Variants in SNN observed in about 807,000 individuals in gnomAD.
The protein encoded by SNN is stannin, also known as AG8_1.
A neutral mutation model predicts 5.3 loss-of-function variants in SNN; 5 were observed. The ratio of observed to expected loss-of-function variants is 0.94; its 90% CI spans 0.49 to 1.97. SNN has a LOEUF of 1.97. Among genes scored for constraint, SNN ranks in the 30% most tolerant of loss-of-function variants. The probability of loss-of-function intolerance (pLI) is 0.01; values close to 1 mark genes in which losing one functional copy is unlikely to be tolerated. For synonymous variants in SNN, 67 were observed against 52.1 expected, an observed-to-expected ratio of 1.29 and a Z score of -1.24; for missense variants, 127 against 121.6, an observed-to-expected ratio of 1.04 and a Z score of -0.21.
In SNN at chr16:11,671,311, G is replaced by A. The variant is rs982644318; in HGVS notation, c.-86+2771G>A. On this transcript the variant is annotated intron_variant, in intron 1 of 1. Coordinates refer to ENST00000329565, the MANE Select transcript of SNN (RefSeq NM_003498.6). The surrounding 1 kb of genome is among the most constrained non-coding windows in gnomAD (Gnocchi z 4.7). ...AGACTGAAGGCACATGGAGCAGGAG[G>A]GTGTGTGTTTGGGGGATCCAGATGG... Among the ~76,000 whole-genome samples the A allele has an allele frequency of 6.6e-6, 1 of 152,128 alleles. No individual in the cohort carries two copies. The highest frequency in any genetic ancestry group is 1.5e-5 in the Non-Finnish European group (1 of 68,010).
Position 11,677,657 on chromosome 16 carries a change from C to T in SNN, c.*1331C>T, listed in dbSNP as rs8191338. 3.0e-5 allele frequency: 5 copies of T among 167,022 alleles called. No homozygotes were observed. Among genetic ancestry groups the T allele is most frequent in the African/African-American group, 9.7e-5 (4 of 41,448 alleles). 10.3% of individuals were successfully genotyped at this position (167,022 alleles called of 1,614,324 possible). A position where few individuals can be genotyped will look rare whatever the true frequency, so the allele number is the denominator to read the frequency against. The stretch of plus-strand genomic sequence containing the variant: ...TCCACAGCCTGTCTCCAAGGCCTCC[C>T]CTATGTACATTTCAGTGAGCTCACT... On this transcript the variant is annotated 3_prime_UTR_variant, in exon 2 of 2. Transcript: ENST00000329565. The surrounding 1 kb of genome is among the most constrained non-coding windows in gnomAD (Gnocchi z 4.2).
chr16:11,673,049 AC>A (rs1254424322), intron 1 of SNN, among the ~76,000 whole-genome samples: 3 of 151,916 alleles, frequency 2.0e-5, no homozygotes, highest in Non-Finnish European at 2.9e-5. Context: ...GAGGGCAGGC[AC>A]CCCAGCAGGC....
At chr16:11,670,618 T>C (rs2050260759) in intron 1 of SNN, among the ~76,000 whole-genome samples, 1 of 152,236 alleles carries the variant, frequency 6.6e-6, no homozygotes, top group Admixed American at 6.5e-5. Context: ...ACCTGGTAGA[T>C]GAGGTCAGGG....
chr16:11,676,291 C>G lies in SNN; in HGVS notation c.232C>G (p.Leu78Val), dbSNP rs756608439. The G allele has an allele frequency of 1.2e-6, 2 of 1,614,136 alleles. No homozygotes were observed. The highest frequency in any genetic ancestry group is 2.2e-5 in the South Asian group (2 of 91,080). The change falls in exon 2 of 2, where the codon CTG (leucine) becomes GTG (valine). Residue 78 changes from leucine (L) to valine (V), a missense_variant. Transcript: ENST00000329565. ...KGPCVERKAK[L>V]MTPNGPEVHG ...ACCGTGCGTGGAGAGAAAGGCCAAG[C>G]TGATGACTCCCAACGGCCCGGAAGT...
At chr16:11,675,953 G>A (rs781725889) in intron 1 of SNN, 22 bp from the exon 2 acceptor site, 41 of 1,274,358 alleles carry the variant, frequency 3.2e-5, no homozygotes, top group East Asian at 2.9e-4. Context: ...ACCGCAGCTC[G>A]TCAACCTGCT....
chr16:11,668,470 G>T lies in SNN; in HGVS notation c.-156G>T, dbSNP rs1044716090. 4.1e-5 allele frequency: 6 copies of T among 146,092 alleles called. No individual in the cohort carries two copies. The highest frequency in any genetic ancestry group is 1.5e-4 in the African/African-American group (6 of 40,774). 9.0% of individuals were successfully genotyped at this position (146,092 alleles called of 1,614,324 possible). A position where few individuals can be genotyped will look rare whatever the true frequency, so the allele number is the denominator to read the frequency against. ...CCTGCGTCCCGAGTGCGCGGCGGCC[G>T]GACCGGGCGGGCGGAGCCGGGCCCG... On this transcript the variant is annotated 5_prime_UTR_variant, in exon 1 of 2. Coordinates refer to ENST00000329565, the MANE Select transcript of SNN (RefSeq NM_003498.6). The surrounding 1 kb of genome is among the most constrained non-coding windows in gnomAD (Gnocchi z 6.8).
chr16:11,674,651 A>T (rs1461086347), intron 1 of SNN, among the ~76,000 whole-genome samples: 1 of 152,192 alleles, frequency 6.6e-6, no homozygotes, highest in African/African-American at 2.4e-5. Flanking sequence ...CTGGCCTGGG[A>T]GGGGCCTCAT....
rs1050049 is a variant in SNN at position 11,677,850 on chromosome 16, C to T, written c.*1524C>T. On this transcript the variant is annotated 3_prime_UTR_variant, in exon 2 of 2. Transcript: ENST00000329565. This position sits in a 1 kb window ranked among gnomAD's most constrained non-coding sequence, Gnocchi z 4.2. Reference sequence around the variant, plus strand: ...TCTGGCCTCCTGCTCAGACTAAAGGCACCTCCTCTGGCCTCACCCAAGCCT... The same window carrying T: ...TCTGGCCTCCTGCTCAGACTAAAGGTACCTCCTCTGGCCTCACCCAAGCCT... The T allele has an allele frequency of 0.069, 11,573 of 167,226 alleles. 577 individuals are homozygous for T. Among genetic ancestry groups the T allele is most frequent in the South Asian group, 0.13 (636 of 4,822 alleles). 10.4% of individuals were successfully genotyped at this position (167,226 alleles called of 1,614,324 possible). A position where few individuals can be genotyped will look rare whatever the true frequency, so the allele number is the denominator to read the frequency against.
rs368018466 is a variant in SNN at position 11,670,960 on chromosome 16, A to G, written c.-86+2420A>G. Among the ~76,000 whole-genome samples, 58 of 152,150 alleles carry G rather than the reference A, an allele frequency of 3.8e-4. 1 individual carries two copies. In the South Asian group the frequency reaches 0.012, roughly 31 times the overall value. On this transcript the variant is annotated intron_variant, in intron 1 of 1. Coordinates refer to ENST00000329565, the MANE Select transcript of SNN (RefSeq NM_003498.6). The stretch of plus-strand genomic sequence containing the variant: ...TCTGCCCCCATGCTCCTTGGGTCCC[A>G]GTTACGGATCTCTGTGGGCCTTGGC...
rs887193649 is a variant in SNN, at chr16:11,677,138, C to A, written c.*812C>A. ...TTTCTTGCCGCTTGGGTCTTCAGCA[C>A]GCCAAGCCCCCCACCAACCCTCCAC... On this transcript the variant is annotated 3_prime_UTR_variant, in exon 2 of 2. Coordinates refer to ENST00000329565, the MANE Select transcript of SNN (RefSeq NM_003498.6). The surrounding 1 kb of genome is among the most constrained non-coding windows in gnomAD (Gnocchi z 4.2). 1.2e-5 allele frequency: 2 copies of A among 167,130 alleles called. No homozygotes were observed. Among genetic ancestry groups the A allele is most frequent in the African/African-American group, 4.8e-5 (2 of 41,440 alleles). The allele number at this position is 167,130 out of a possible 1,614,324, so 10.4% of individuals were successfully genotyped here.
At position 11,676,844 on chromosome 16, in the gene SNN, G is replaced by T. The variant is rs1226478576; in HGVS notation, c.*518G>T. On this transcript the variant is annotated 3_prime_UTR_variant, in exon 2 of 2. Coordinates refer to ENST00000329565, the MANE Select transcript of SNN (RefSeq NM_003498.6). ...GGGTCTCTCATGTGTGTCCATCTGC[G>T]TGTATGTCAAGGAAGTGAGATGCCA... The T allele has an allele frequency of 1.8e-5, 3 of 169,836 alleles. No homozygotes were observed. Among genetic ancestry groups the T allele is most frequent in the African/African-American group, 7.2e-5 (3 of 41,492 alleles). 10.5% of individuals were successfully genotyped at this position (169,836 alleles called of 1,614,324 possible).
rs116996957 is a variant in SNN, at chr16:11,676,243, C to T, written c.184C>T (p.Leu62=). Residue 62 remains leucine (L), a synonymous_variant, in exon 2 of 2, where the codon CTG becomes TTG. Coordinates refer to ENST00000329565, the MANE Select transcript of SNN (RefSeq NM_003498.6). ...GDGETKEPFL[L]VQYSAKGPCV... ...TGGGGAGACCAAGGAACCCTTCCTG[C>T]TGGTGCAGTATTCGGCCAAGGGACC... The T allele has an allele frequency of 9.4e-5, 152 of 1,614,224 alleles. 2 individuals are homozygous for T. In the East Asian group the frequency reaches 2.5e-3, roughly 27 times the overall value.
rs747411695 is a variant in SNN, at chr16:11,676,178, G to C, written c.119G>C (p.Arg40Pro). ...LGCWCYLRLQ[R>P]ISQSEDEESI... ...TGCTGGTGCTACCTGCGGCTGCAGC[G>C]CATCAGCCAGTCAGAGGACGAGGAG... Residue 40 changes from arginine (R) to proline (P), a missense_variant, in exon 2 of 2, where the codon CGC becomes CCC. Transcript: ENST00000329565. The C allele has an allele frequency of 6.2e-7, 1 of 1,614,232 alleles. No homozygotes were observed. Among genetic ancestry groups the C allele is most frequent in the East Asian group, 2.2e-5 (1 of 44,886 alleles).
chr16:11,670,372 C>G (rs144906840), intron 1 of SNN, among the ~76,000 whole-genome samples: 1 of 152,068 alleles, frequency 6.6e-6, no homozygotes, highest in Non-Finnish European at 1.5e-5. Flanking sequence ...ATGATGTGCC[C>G]GGTTGAGTTA....
Position 11,677,603 on chromosome 16 carries a change from A to G in SNN, c.*1277A>G, listed in dbSNP as rs2050315689. ...GGACTTGACTCTCCCACAGGTGGTG[A>G]GCTGGTGGCTCTCTGGTGAGCTAGT... On this transcript the variant is annotated 3_prime_UTR_variant, in exon 2 of 2. Coordinates refer to ENST00000329565, the MANE Select transcript of SNN (RefSeq NM_003498.6). The surrounding 1 kb of genome is among the most constrained non-coding windows in gnomAD (Gnocchi z 4.2). 6.3e-6 allele frequency: 1 copy of G among 157,798 alleles called. No individual in the cohort carries two copies. Among genetic ancestry groups the G allele is most frequent in the Non-Finnish European group, 1.5e-5 (1 of 68,084 alleles). 9.8% of individuals were successfully genotyped at this position (157,798 alleles called of 1,614,324 possible). A position where few individuals can be genotyped will look rare whatever the true frequency, so the allele number is the denominator to read the frequency against.
In SNN at chr16:11,676,258, G is replaced by T; in HGVS notation, c.199G>T (p.Ala67Ser). 1 of 1,614,218 alleles carries T rather than the reference G, an allele frequency of 6.2e-7. No individual in the cohort carries two copies. The highest frequency in any genetic ancestry group is 8.5e-7 in the Non-Finnish European group (1 of 1,180,030). Residue 67 changes from alanine to serine, a missense_variant, in exon 2 of 2, where the codon GCC becomes TCC. Transcript: ENST00000329565. ...KEPFLLVQYS[A>S]KGPCVERKAK... ...ACCCTTCCTGCTGGTGCAGTATTCG[G>T]CCAAGGGACCGTGCGTGGAGAGAAA...
At chr16:11,674,657 C>G (rs8191312) in intron 1 of SNN, among the ~76,000 whole-genome samples, 6,754 of 152,332 alleles carry the variant, frequency 0.044, 497 homozygotes, top group African/African-American at 0.15. Flanking sequence ...TGGGAGGGGC[C>G]TCATCCCCGC....
chr16:11,675,842 GAGCA>G, intron 1 of SNN, 129 bp from the exon 2 acceptor site: 1 of 532,250 alleles, frequency 1.9e-6, no homozygotes, highest in Non-Finnish European at 3.3e-6. Flanking sequence ...GAGCGTGGGT[GAGCA>G]GACGCCTTCG....
chr16:11,679,078 G>A lies in SNN; in HGVS notation c.*2752G>A, dbSNP rs1315090772. ...TCAATAAATGCTGAATGACATTCAA[G>A]CTGATTTTCTAGACCACTGAGAAAA... On this transcript the variant is annotated 3_prime_UTR_variant, in exon 2 of 2. Transcript: ENST00000329565. This position sits in a 1 kb window ranked among gnomAD's most constrained non-coding sequence, Gnocchi z 4.6. 2.7e-6 allele frequency: 3 copies of A among 1,105,184 alleles called. No individual in the cohort carries two copies. Among genetic ancestry groups the A allele is most frequent in the East Asian group, 2.6e-5 (1 of 38,576 alleles). The allele number at this position is 1,105,184 out of a possible 1,614,324, so 68.5% of individuals were successfully genotyped here.
Sources: gnomAD v4.1 joint callset for allele counts (sites outside exome capture counted in the v4.1 genomes callset) on GRCh38, gnomAD v4.1.1 for gene constraint, Gnocchi (gnomAD v3.1) non-coding constraint, MANE v1.5 for transcripts, NCBI Gene and HGNC (gene_info 2026-07-23, HGNC 2026-07-21) for gene names.